TMEM132B: variants seen among roughly 807,000 people sequenced by gnomAD.
TMEM132B encodes the protein transmembrane protein 132B.
A neutral mutation model predicts 90.8 loss-of-function variants in TMEM132B; 18 were observed. That is an observed-to-expected ratio of 0.20 (90% confidence interval 0.14 to 0.29). The LOEUF is 0.29. Ranked by LOEUF, TMEM132B falls within the 10% of genes least tolerant of loss-of-function variation. TMEM132B has a pLI of 1.00. For missense variants in TMEM132B, 1,096 were observed against 1,326.8 expected (o/e 0.83, Z 2.70); for synonymous variants, 504 against 523.3 (o/e 0.96, Z 0.50).
intron 1 of TMEM132B, among the ~76,000 whole-genome samples, chr12:125,188,101 G>C (rs1455444834): frequency 6.6e-6 from 1 of 152,208 alleles, no homozygotes; most frequent in Non-Finnish European, 1.5e-5. Context: ...AAAAGTCAGT[G>C]TCGGCTTCCT....
At chr12:125,321,150 A>G (rs1486702310) in intron 1 of TMEM132B, among the ~76,000 whole-genome samples, 1 of 152,248 alleles carries the variant, frequency 6.6e-6, no homozygotes, top group Non-Finnish European at 1.5e-5. Context: ...GGATACATGC[A>G]ATGTAGACCA....
chr12:125,500,921 T>C (rs1882680839), intron 3 of TMEM132B, among the ~76,000 whole-genome samples: 1 of 151,922 alleles, frequency 6.6e-6, no homozygotes, highest in South Asian at 2.1e-4. Context: ...AGAGAGAGAG[T>C]CGTATAGTAA....
chr12:125,291,922 A>C (rs10846861), intron 1 of TMEM132B, among the ~76,000 whole-genome samples: 57,786 of 152,056 alleles, frequency 0.38, 11,306 homozygotes, highest in East Asian at 0.53. Flanking sequence ...GTCTGTATTA[A>C]AATTCACATT....
chr12:125,326,448 A>T, intron 1 of TMEM132B: 1 of 717,800 alleles, frequency 1.4e-6, no homozygotes, highest in Non-Finnish European at 2.4e-6. Flanking sequence ...TCCAATGAAG[A>T]CAATATGAGC....
At chr12:125,364,300 A>G (rs1215810715) in intron 2 of TMEM132B, among the ~76,000 whole-genome samples, 2 of 152,146 alleles carry the variant, frequency 1.3e-5, no homozygotes, top group East Asian at 3.9e-4. Context: ...ATATTTTCCC[A>G]TATTTTATTT....
intron 1 of TMEM132B, among the ~76,000 whole-genome samples, chr12:125,200,416 C>T (rs1873028811): frequency 6.6e-6 from 1 of 152,124 alleles, no homozygotes; most frequent in African/African-American, 2.4e-5. Flanking sequence ...TACCCCTTGT[C>T]TCTTCAGTAT....
rs575418598 is a variant in TMEM132B at position 125,323,233 on chromosome 12, C to T, written c.68-26219C>T. On this transcript the variant is annotated intron_variant, in intron 1 of 8. Coordinates refer to ENST00000682704, the MANE Select transcript of TMEM132B (RefSeq NM_001366854.1). ...GGCAAATCACCTGAGTTCAGGAGTT[C>T]GAGACCAGCCTGGCCAAAATGGTGA... Among the ~76,000 whole-genome samples, 29 of 152,154 alleles carry T rather than the reference C, an allele frequency of 1.9e-4. No individual in the cohort carries two copies. The East Asian group carries it at 4.3e-3, about 22-fold the overall frequency.
At chr12:125,369,379 A>G (rs754958050) in intron 2 of TMEM132B, among the ~76,000 whole-genome samples, 32 of 152,230 alleles carry the variant, frequency 2.1e-4, no homozygotes, top group Non-Finnish European at 4.6e-4. Flanking sequence ...TCCTTTGGGT[A>G]TATACCCAGT....
chr12:125,606,314 C>CTTTTTTTT (rs368313402), intron 5 of TMEM132B, among the ~76,000 whole-genome samples: 4 of 129,622 alleles, frequency 3.1e-5, no homozygotes, highest in Non-Finnish European at 3.3e-5. Context: ...GATTTCTTTC[C>CTTTTTTTT]TTTTTTTTTT....
At chr12:125,437,662 C>T (rs956812658) in intron 3 of TMEM132B, among the ~76,000 whole-genome samples, 1 of 152,168 alleles carries the variant, frequency 6.6e-6, no homozygotes, top group African/African-American at 2.4e-5. Context: ...AGCAGCAACA[C>T]AGGCTACAAC....
chr12:125,513,099 C>G (rs1182670367), intron 3 of TMEM132B, among the ~76,000 whole-genome samples: 1 of 152,240 alleles, frequency 6.6e-6, no homozygotes, highest in Non-Finnish European at 1.5e-5. Context: ...GGGAGCCTTC[C>G]CTGGCCTGCC....
In TMEM132B at chr12:125,655,521, G is replaced by A. The variant is rs187657395; in HGVS notation, c.*811G>A. ...AGTGAGGGAGGGCCATCTCTTTACT[G>A]TTTTCTATGTGAAGTTTCAAACATT... On this transcript the variant is annotated 3_prime_UTR_variant, in exon 9 of 9. Transcript: ENST00000682704. 6.6e-5 allele frequency: 10 copies of A among 152,290 alleles called. No homozygotes were observed. Among genetic ancestry groups the A allele is most frequent in the Admixed American group, 5.9e-4 (9 of 15,302 alleles). The allele number at this position is 152,290 out of a possible 1,614,324, so 9.4% of individuals were successfully genotyped here.
At position 125,474,127 on chromosome 12, in the gene TMEM132B, T is replaced by C. The variant is rs184513776; in HGVS notation, c.1107-45312T>C. On this transcript the variant is annotated intron_variant, in intron 3 of 8. Transcript: ENST00000682704. Reference sequence around the variant, plus strand: ...TTCTTCCGTCTTTCTGTCATTTTCTTTCCTCTCTCTCTCGCCTTCCTGCCT... The same window carrying C: ...TTCTTCCGTCTTTCTGTCATTTTCTCTCCTCTCTCTCTCGCCTTCCTGCCT... Among the ~76,000 whole-genome samples the C allele has an allele frequency of 2.1e-4, 32 of 150,900 alleles. No individual in the cohort carries two copies. In the East Asian group the frequency reaches 6.1e-3, roughly 29 times the overall value.
chr12:125,645,371 T>C (rs548252043), intron 6 of TMEM132B, among the ~76,000 whole-genome samples: 2 of 152,134 alleles, frequency 1.3e-5, no homozygotes, highest in South Asian at 4.2e-4. Context: ...AGCCAGGTGG[T>C]GGGACCCAAC....
At chr12:125,244,410 G>C (rs892332582) in intron 1 of TMEM132B, among the ~76,000 whole-genome samples, 1 of 152,222 alleles carries the variant, frequency 6.6e-6, no homozygotes. Context: ...GCACAGCTCT[G>C]TGCAGTGCTG....
chr12:125,221,958 C>T (rs983956605), intron 1 of TMEM132B, among the ~76,000 whole-genome samples: 26 of 152,136 alleles, frequency 1.7e-4, no homozygotes, highest in African/African-American at 5.3e-4. Context: ...GCTCATGGAG[C>T]GGTTGTGGAG....
At chr12:125,552,719 A>G (rs777050391) in intron 4 of TMEM132B, among the ~76,000 whole-genome samples, 3 of 152,234 alleles carry the variant, frequency 2.0e-5, no homozygotes, top group South Asian at 4.1e-4. Context: ...GTTTGACCGC[A>G]TGATGTGGAT....
intron 1 of TMEM132B, among the ~76,000 whole-genome samples, chr12:125,335,984 C>T (rs991936867): frequency 6.6e-6 from 1 of 152,130 alleles, no homozygotes; most frequent in Non-Finnish European, 1.5e-5. Context: ...AAGACTCCCC[C>T]TCAAAGGAAA....
chr12:125,575,340 G>A (rs1884918017), intron 4 of TMEM132B, among the ~76,000 whole-genome samples: 1 of 151,010 alleles, frequency 6.6e-6, no homozygotes, highest in Non-Finnish European at 1.5e-5. Flanking sequence ...TGTGTTTATT[G>A]GCCACTTGTA....
Sources: allele counts gnomAD v4.1 joint callset (sites outside exome capture counted in the v4.1 genomes callset), GRCh38; gene constraint gnomAD v4.1.1; transcripts MANE v1.5; gene names NCBI Gene and HGNC (gene_info 2026-07-23, HGNC 2026-07-21).